TRPC4AP: variants seen among roughly 807,000 people sequenced by gnomAD.
TRPC4AP encodes short transient receptor potential channel 4-associated protein.
Under a neutral mutation model 99.0 loss-of-function variants are expected in TRPC4AP, and 45 were observed. The observed-to-expected ratio is 0.45, with a 90% CI of 0.36 to 0.58. TRPC4AP has a LOEUF of 0.58. Ranked by LOEUF, TRPC4AP falls within the 20% of genes least tolerant of loss-of-function variation. TRPC4AP has a pLI of 0.00. For synonymous variants in TRPC4AP, 408 were observed against 385.8 expected, an observed-to-expected ratio of 1.06 and a Z score of -0.67; for missense variants, 879 against 985.3, an observed-to-expected ratio of 0.89 and a Z score of 1.44.
At chr20:35,092,264 C>A (rs147462448) in intron 1 of TRPC4AP, among the ~76,000 whole-genome samples, 3 of 152,186 alleles carry the variant, frequency 2.0e-5, no homozygotes, top group Non-Finnish European at 4.4e-5. Context: ...GCCCAATACA[C>A]GGGATAAACT....
At position 35,057,516 on chromosome 20, in the gene TRPC4AP, T is replaced by C; in HGVS notation, c.470A>G (p.Lys157Arg). Reference protein sequence around the residue: ...PTISIRGQKLKISDEMSKDCL... With the variant: ...PTISIRGQKLRISDEMSKDCL... ...CAGTAGCTAATAGGTATACTTACTT[T>C]TCAGTTTCTGTCCCCGGATAGAGAT... is the stretch of plus-strand genomic sequence containing the variant. Residue 157 changes from lysine to arginine, a missense_variant and splice_region_variant, in exon 4 of 19, where the codon AAA (lysine) becomes AGA (arginine). Lys to Arg is a conservative substitution (Grantham distance 26). Around this residue, in one of 3 missense-constraint regions of TRPC4AP, gnomAD observed 603 missense variants for 631.8 expected, o/e 0.95. Coordinates refer to ENST00000252015, the MANE Select transcript of TRPC4AP (RefSeq NM_015638.3). The C allele has an allele frequency of 1.2e-6, 2 of 1,611,716 alleles. No individual in the cohort carries two copies. Among genetic ancestry groups the C allele is most frequent in the Non-Finnish European group, 1.7e-6 (2 of 1,178,562 alleles).
At chr20:35,023,863 G>T (rs1230084462) in intron 8 of TRPC4AP, among the ~76,000 whole-genome samples, 1 of 152,368 alleles carries the variant, frequency 6.6e-6, no homozygotes, top group African/African-American at 2.4e-5. Context: ...AAGAGACAGG[G>T]CAGCCTGACC....
At chr20:35,075,365 C>A (rs926959549) in intron 2 of TRPC4AP, among the ~76,000 whole-genome samples, 1 of 152,192 alleles carries the variant, frequency 6.6e-6, no homozygotes, top group Admixed American at 6.5e-5. Context: ...AAGGTCTTTA[C>A]AATTTGGCAT....
chr20:35,006,325 T>TCC, intron 15 of TRPC4AP, 110 bp downstream of exon 15: 1 of 1,298,232 alleles, frequency 7.7e-7, no homozygotes, highest in Non-Finnish European at 1.1e-6. Flanking sequence ...CTGCCCAGAC[T>TCC]CCCCCGTCGT....
intron 7 of TRPC4AP, among the ~76,000 whole-genome samples, chr20:35,040,898 G>A (rs992413195): frequency 1.3e-5 from 2 of 152,196 alleles, no homozygotes; most frequent in African/African-American, 4.8e-5. Flanking sequence ...ATACAGGGAA[G>A]TAATTAAGGT....
At position 35,041,977 on chromosome 20, in the gene TRPC4AP, C is replaced by T. The variant is rs1427816519; in HGVS notation, c.865+2528G>A. 2.6e-5 allele frequency among the ~76,000 whole-genome samples: 4 copies of T among 152,156 alleles called. No homozygotes were observed. The East Asian group carries it at 7.7e-4, about 29-fold the overall frequency. ...GTCAATGTATATGGAGGTGTGTACACCAGCTCTGAGGTATAATTTAGTTAT... is the reference window on the plus strand; with the variant it reads ...GTCAATGTATATGGAGGTGTGTACATCAGCTCTGAGGTATAATTTAGTTAT... On this transcript the variant is annotated intron_variant, in intron 7 of 18. Transcript: ENST00000252015.
chr20:35,040,521 C>T (rs573401979), intron 7 of TRPC4AP, among the ~76,000 whole-genome samples: 1 of 152,298 alleles, frequency 6.6e-6, no homozygotes, highest in Non-Finnish European at 1.5e-5. Context: ...CATTAGCTTT[C>T]CTGGTTCTAA....
intron 1 of TRPC4AP, 35 bp downstream of exon 1, chr20:35,092,579 C>T (rs1380165569): frequency 2.1e-6 from 3 of 1,432,214 alleles, no homozygotes; most frequent in African/African-American, 1.5e-5. Context: ...CCGCCTGGTC[C>T]GCCCCGCCCC....
rs1056190124 is a variant in TRPC4AP at position 35,092,756 on chromosome 20, C to T, written c.26G>A (p.Gly9Glu). Residue 9 changes from glycine (G) to glutamate (E), a missense_variant, in exon 1 of 19, where the codon GGG (glycine) becomes GAG (glutamate). Transcript: ENST00000252015. ...CCGTCTCCCTCGGCCGGCTCCAGAC[C>T]CAGCCGCTACCGGCGCCGCCGCCAT... Reference protein sequence around the residue: MAAAPVAAGSGAGRGRRSA... With the variant: MAAAPVAAESGAGRGRRSA... 2 of 1,547,326 alleles carry T rather than the reference C, an allele frequency of 1.3e-6. No homozygotes were observed. Among genetic ancestry groups the T allele is most frequent in the Admixed American group, 1.9e-5 (1 of 52,524 alleles).
At chr20:35,071,473 A>G (rs982034556) in intron 2 of TRPC4AP, among the ~76,000 whole-genome samples, 6 of 109,870 alleles carry the variant, frequency 5.5e-5, no homozygotes, top group African/African-American at 2.2e-4. Context: ...GACGTTCCCC[A>G]CCCTGTGTCC....
At chr20:35,092,467 G>A (rs767308468) in intron 1 of TRPC4AP, 147 bp downstream of exon 1, 2 of 969,906 alleles carry the variant, frequency 2.1e-6, no homozygotes, top group Non-Finnish European at 2.8e-6. Context: ...GCAGCTGAGA[G>A]CGTCCGGGCA....
At chr20:35,087,382 G>C (rs2084917056) in intron 1 of TRPC4AP, among the ~76,000 whole-genome samples, 1 of 149,722 alleles carries the variant, frequency 6.7e-6, no homozygotes, top group African/African-American at 2.5e-5. Context: ...AAAATATAAA[G>C]TAAGGAACAC....
chr20:35,089,399 T>G lies in TRPC4AP; in HGVS notation c.168+3215A>C, dbSNP rs1342980592. Among the ~76,000 whole-genome samples, 485 of 147,582 alleles carry G rather than the reference T, an allele frequency of 3.3e-3. 1 individual carries two copies. The highest frequency in any genetic ancestry group is 4.2e-3 in the Non-Finnish European group (280 of 66,582). On this transcript the variant is annotated intron_variant, in intron 1 of 18. Coordinates refer to ENST00000252015, the MANE Select transcript of TRPC4AP (RefSeq NM_015638.3). ...GCATTTCCACACCTGGTTAATGTTT[T>G]TTTTTTTTTTTTTTGTAGTAGAGCT... is the stretch of plus-strand genomic sequence containing the variant.
intron 1 of TRPC4AP, among the ~76,000 whole-genome samples, chr20:35,079,045 G>A (rs984376089): frequency 1.3e-5 from 2 of 152,114 alleles, no homozygotes; most frequent in Admixed American, 6.5e-5. Context: ...CAGCCTGGGC[G>A]ACAGACCAAA....
In TRPC4AP at chr20:35,002,851, CAG is replaced by C; in HGVS notation, c.*293_*294del. On this transcript the variant is annotated 3_prime_UTR_variant, in exon 19 of 19. Coordinates refer to ENST00000252015, the MANE Select transcript of TRPC4AP (RefSeq NM_015638.3). Reference sequence around the variant, plus strand: ...GCCAAGAAACCGGCAGGAGCTCACACAGAGCTAATGCTAAATGTCCTCTTACC... The same window carrying C: ...GCCAAGAAACCGGCAGGAGCTCACACAGCTAATGCTAAATGTCCTCTTACC... 1 of 306,242 alleles carries C rather than the reference CAG, an allele frequency of 3.3e-6. No homozygotes were observed. Among genetic ancestry groups the C allele is most frequent in the Non-Finnish European group, 6.1e-6 (1 of 163,898 alleles). The allele number at this position is 306,242 out of a possible 1,614,324, so 19.0% of individuals were successfully genotyped here. A position where few individuals can be genotyped will look rare whatever the true frequency, so the allele number is the denominator to read the frequency against.
At chr20:35,023,564 A>G (rs2082944252) in intron 8 of TRPC4AP, among the ~76,000 whole-genome samples, 1 of 152,154 alleles carries the variant, frequency 6.6e-6, no homozygotes, top group Non-Finnish European at 1.5e-5. Context: ...ACTCATATTT[A>G]TTCTCCTGTA....
chr20:35,077,888 T>C (rs976979303), intron 2 of TRPC4AP, among the ~76,000 whole-genome samples, 158 bp downstream of exon 2: 4 of 152,192 alleles, frequency 2.6e-5, no homozygotes, highest in Non-Finnish European at 5.9e-5. Context: ...ATGTATATTT[T>C]CTTCTTTGTA....
chr20:35,055,918 A>G (rs557876245), intron 4 of TRPC4AP, among the ~76,000 whole-genome samples: 53 of 152,378 alleles, frequency 3.5e-4, no homozygotes, highest in African/African-American at 1.2e-3. Flanking sequence ...AATTTTCATG[A>G]GCCCAAAACC....
chr20:35,063,944 A>T (rs139080738), intron 3 of TRPC4AP, among the ~76,000 whole-genome samples: 1 of 152,336 alleles, frequency 6.6e-6, no homozygotes, highest in East Asian at 1.9e-4. Flanking sequence ...AGAAAAAAAT[A>T]AATGTTAGAA....
Sources: allele counts gnomAD v4.1 joint callset (sites outside exome capture counted in the v4.1 genomes callset), GRCh38; gene constraint gnomAD v4.1.1; regional missense constraint gnomAD v4.1.1; transcripts MANE v1.5; gene names NCBI Gene and HGNC (gene_info 2026-07-23, HGNC 2026-07-21).